Variants in SLC19A3 observed in about 807,000 individuals in gnomAD.
The protein encoded by SLC19A3 is thiamine transporter 2.
SLC19A3 carries 31 observed loss-of-function variants against 40.2 expected under a neutral mutation model. That is an observed-to-expected ratio of 0.77 (90% CI 0.58 to 1.04). The LOEUF (loss-of-function observed/expected upper bound fraction) is 1.04, where lower values mean the gene tolerates loss of function less well. Ranked by LOEUF, SLC19A3 falls within the 50% of genes least tolerant of loss-of-function variation. The pLI is 0.00. For missense variants in SLC19A3, 592 were observed against 596.7 expected (o/e 0.99, Z 0.08); for synonymous variants, 212 against 227.5 (o/e 0.93, Z 0.61).
Position 227,685,814 on chromosome 2 carries a change from G to C in SLC19A3, c.*1583C>G, listed in dbSNP as rs1183734584. Reference sequence around the variant, plus strand: ...AAGTTTCGAAAAACAGGTATGTTCAGATAATTTTCAGCAGAATTCATCAAA... The same window carrying C: ...AAGTTTCGAAAAACAGGTATGTTCACATAATTTTCAGCAGAATTCATCAAA... On this transcript the variant is annotated 3_prime_UTR_variant, in exon 6 of 6. Coordinates refer to ENST00000644224, the MANE Select transcript of SLC19A3 (RefSeq NM_025243.4). 6.1e-6 allele frequency: 1 copy of C among 163,732 alleles called. No homozygotes were observed. Among genetic ancestry groups the C allele is most frequent in the East Asian group, 1.9e-4 (1 of 5,348 alleles). The allele number at this position is 163,732 out of a possible 1,614,324, so 10.1% of individuals were successfully genotyped here.
chr2:227,713,032 C>T (rs137922759), intron 1 of SLC19A3, among the ~76,000 whole-genome samples: 45 of 152,192 alleles, frequency 3.0e-4, no homozygotes, highest in African/African-American at 9.9e-4. Flanking sequence ...TCATACTATA[C>T]ACTTATAATA....
At chr2:227,696,225 T>C in intron 3 of SLC19A3, 144 bp from the exon 4 acceptor site, 1 of 768,062 alleles carries the variant, frequency 1.3e-6, no homozygotes, top group South Asian at 1.7e-5. Context: ...GACCTGAATG[T>C]GGATCTATCC....
rs142940929 is a variant in SLC19A3, at chr2:227,685,852, C to A, written c.*1545G>T. ...AGAATTCATCAAAAAATGTTAACAA[C>A]TCTTTAAAATTTTTACACATTTTAT... On this transcript the variant is annotated 3_prime_UTR_variant, in exon 6 of 6. Coordinates refer to ENST00000644224, the MANE Select transcript of SLC19A3 (RefSeq NM_025243.4). The A allele has an allele frequency of 1.2e-3, 201 of 161,786 alleles. 1 individual carries two copies. The highest frequency in any genetic ancestry group is 4.7e-3 in the African/African-American group (196 of 41,658). 10.0% of individuals were successfully genotyped at this position (161,786 alleles called of 1,614,324 possible). A position where few individuals can be genotyped will look rare whatever the true frequency, so the allele number is the denominator to read the frequency against.
chr2:227,712,591 G>T (rs1696179900), intron 1 of SLC19A3, among the ~76,000 whole-genome samples: 1 of 152,120 alleles, frequency 6.6e-6, no homozygotes, highest in Admixed American at 6.6e-5. Context: ...ATGTAAAATG[G>T]CACCAACCCT....
At position 227,686,965 on chromosome 2, in the gene SLC19A3, T is replaced by C. The variant is rs564704093; in HGVS notation, c.*432A>G. ...TGGTTCATGTGACACAAAGGTCCCA[T>C]GTGTTGACTTCTTTGGTAAGATCAA... is the stretch of plus-strand genomic sequence containing the variant. On this transcript the variant is annotated 3_prime_UTR_variant, in exon 6 of 6. Coordinates refer to ENST00000644224, the MANE Select transcript of SLC19A3 (RefSeq NM_025243.4). 6.4e-6 allele frequency: 1 copy of C among 155,774 alleles called. No individual in the cohort carries two copies. The highest frequency in any genetic ancestry group is 2.4e-5 in the African/African-American group (1 of 41,580). 9.6% of individuals were successfully genotyped at this position (155,774 alleles called of 1,614,324 possible). A position where few individuals can be genotyped will look rare whatever the true frequency, so the allele number is the denominator to read the frequency against.
intron 4 of SLC19A3, among the ~76,000 whole-genome samples, chr2:227,693,904 A>G (rs1695328431): frequency 6.6e-6 from 1 of 152,210 alleles, no homozygotes; most frequent in African/African-American, 2.4e-5. Context: ...CAGATTAAAA[A>G]TGGGCAAAAA....
chr2:227,683,927 T>C lies in SLC19A3; in HGVS notation c.*3470A>G, dbSNP rs1161202088. 6.6e-6 allele frequency: 1 copy of C among 152,344 alleles called. No homozygotes were observed. Among genetic ancestry groups the C allele is most frequent in the Non-Finnish European group, 1.5e-5 (1 of 68,286 alleles). 9.4% of individuals were successfully genotyped at this position (152,344 alleles called of 1,614,324 possible). On this transcript the variant is annotated 3_prime_UTR_variant, in exon 6 of 6. Transcript: ENST00000644224. ...GATCCTCCCTTCTCATCCCCTCAAG[T>C]AGCTGGGAGTCCAGGTGCAAGCCAC...
At chr2:227,711,386 TTGTGGC>T (rs1696130029) in intron 1 of SLC19A3, among the ~76,000 whole-genome samples, 1 of 150,974 alleles carries the variant, frequency 6.6e-6, no homozygotes, top group Admixed American at 6.6e-5. Context: ...TGCCACTGCA[TTGTGGC>T]CTGGGTGACA....
rs1414680173 is a variant in SLC19A3 at position 227,711,965 on chromosome 2, G to A, written c.-3+5978C>T. ...CTCGGGAGGCTGAGGTAGAAGAATC[G>A]CTTGAACCCAGGAGGTGGAGGTTGT... is the stretch of plus-strand genomic sequence containing the variant. On this transcript the variant is annotated intron_variant, in intron 1 of 5. Coordinates refer to ENST00000644224, the MANE Select transcript of SLC19A3 (RefSeq NM_025243.4). 2.8e-5 allele frequency among the ~76,000 whole-genome samples: 4 copies of A among 143,026 alleles called. No individual in the cohort carries two copies. The Admixed American group carries it at 3.0e-4, about 11-fold the overall frequency. 93.8% of individuals were successfully genotyped at this position (143,026 alleles called of 152,430 possible). A position where few individuals can be genotyped will look rare whatever the true frequency, so the allele number is the denominator to read the frequency against.
intron 3 of SLC19A3, among the ~76,000 whole-genome samples, chr2:227,696,554 T>G (rs1449537016): frequency 1.3e-5 from 2 of 152,216 alleles, no homozygotes; most frequent in African/African-American, 4.8e-5. Flanking sequence ...AAAGTTTTAG[T>G]CTTTTTTCTT....
At chr2:227,690,807 C>T (rs1695198372) in intron 4 of SLC19A3, among the ~76,000 whole-genome samples, 1 of 150,556 alleles carries the variant, frequency 6.6e-6, no homozygotes, top group African/African-American at 2.4e-5. Flanking sequence ...ATAAGAGAAT[C>T]CAATACAGTA....
At chr2:227,707,627 T>C (rs1307685235) in intron 1 of SLC19A3, among the ~76,000 whole-genome samples, 1 of 151,792 alleles carries the variant, frequency 6.6e-6, no homozygotes, top group African/African-American at 2.4e-5. Context: ...AAAACAAATT[T>C]AAAAAATAAT....
intron 4 of SLC19A3, among the ~76,000 whole-genome samples, chr2:227,691,130 C>T (rs113876064): frequency 0.075 from 11,331 of 151,942 alleles, 1,181 homozygotes; most frequent in African/African-American, 0.24. Context: ...TTTTGGAAAC[C>T]ATAGAAACAC....
chr2:227,702,673 T>C (rs758384154), intron 1 of SLC19A3: 1 of 274,856 alleles, frequency 3.6e-6, no homozygotes, highest in South Asian at 4.1e-5. Context: ...TAAAGCCCAA[T>C]AGAGGATCTC....
Position 227,699,343 on chromosome 2 carries a change from G to A in SLC19A3, c.372C>T (p.Tyr124=), listed in dbSNP as rs769734636. Residue 124 remains tyrosine (Y), a synonymous_variant, in exon 3 of 6, where the codon TAC becomes TAT. Transcript: ENST00000644224. ...GGCTGACCACGCTGTATATGTAGGC[G>A]TAGTAGGCCACCTCGGCGGCGGTGA... ...GMVTAAEVAY[Y]AYIYSVVSPE... is the part of the protein sequence containing the mutation. 73 of 1,614,030 alleles carry A rather than the reference G, an allele frequency of 4.5e-5. No homozygotes were observed. The highest frequency in any genetic ancestry group is 6.0e-5 in the Non-Finnish European group (71 of 1,180,030).
chr2:227,712,050 CAAAAAAAAAA>C (rs397988111), intron 1 of SLC19A3, among the ~76,000 whole-genome samples: 2 of 65,460 alleles, frequency 3.1e-5, no homozygotes, highest in Admixed American at 2.0e-4. Flanking sequence ...ACTCTGTCTC[CAAAAAAAAAA>C]AAAAAAAAAA....
intron 1 of SLC19A3, among the ~76,000 whole-genome samples, chr2:227,717,039 G>T (rs142794550): frequency 3.0e-5 from 4 of 132,630 alleles, no homozygotes; most frequent in Non-Finnish European, 6.2e-5. Flanking sequence ...ATCTTGCTGG[G>T]TCGCCCAGGC....
chr2:227,698,598 C>T (rs760397011), intron 3 of SLC19A3, 138 bp downstream of exon 3: 62 of 826,402 alleles, frequency 7.5e-5, no homozygotes, highest in Non-Finnish European at 1.2e-4. Flanking sequence ...CATGCCCGGC[C>T]GTGACTTTCA....
chr2:227,696,828 G>A (rs193000021), intron 3 of SLC19A3, among the ~76,000 whole-genome samples: 3 of 152,298 alleles, frequency 2.0e-5, no homozygotes, highest in South Asian at 4.1e-4. Flanking sequence ...CACTTTGGGA[G>A]GCTGAAGGGG....
Sources: allele counts gnomAD v4.1 joint callset (sites outside exome capture counted in the v4.1 genomes callset), GRCh38; gene constraint gnomAD v4.1.1; transcripts MANE v1.5; gene names NCBI Gene and HGNC (gene_info 2026-07-23, HGNC 2026-07-21).